Variants in MCM5 observed in about 807,000 individuals in gnomAD.
MCM5 encodes minichromosome maintenance complex component 5.
MCM5 carries 46 observed loss-of-function variants against 79.9 expected under a neutral mutation model. That is an observed-to-expected ratio of 0.58 (90% CI 0.45 to 0.74). The LOEUF (loss-of-function observed/expected upper bound fraction) is 0.74. MCM5 is among the 30% of genes least tolerant of loss of function. MCM5 has a pLI of 0.00. For missense variants in MCM5, 883 were observed against 1,017.0 expected (o/e 0.87, Z 1.79); for synonymous variants, 404 against 390.5 (o/e 1.03, Z -0.41).
the MCM5 span, among the ~76,000 whole-genome samples, chr22:35,431,953 A>G: frequency 5.9e-5 from 9 of 152,342 alleles, no homozygotes; most frequent in East Asian, 1.7e-3. Context: ...CTGTCGGGTC[A>G]GTGCCTTTCC....
At chr22:35,408,969 C>CT (rs11288184) in intron 6 of MCM5, among the ~76,000 whole-genome samples, 26 of 149,734 alleles carry the variant, frequency 1.7e-4, no homozygotes, top group South Asian at 4.2e-4. Flanking sequence ...CCCAGGCTTT[C>CT]TTTTTTTTTT....
At chr22:35,417,166 T>C (rs1043351246) in intron 12 of MCM5, among the ~76,000 whole-genome samples, 1 of 152,194 alleles carries the variant, frequency 6.6e-6, no homozygotes, top group Non-Finnish European at 1.5e-5. Flanking sequence ...GAAAAAAACA[T>C]AGTGGTTTAT....
At position 35,415,919 on chromosome 22, in the gene MCM5, G is replaced by A. The variant is rs760371424; in HGVS notation, c.1294G>A (p.Gly432Arg). Residue 432 changes from glycine (G) to arginine (R), a missense_variant, in exon 10 of 17, where the codon GGA becomes AGA. Physicochemically the swap from Gly to Arg is moderately radical, Grantham distance 125. Transcript: ENST00000216122. ...PSSRNFIMEG[G>R]AMVLADGGVV... ...GTCCCGGAATTTCATCATGGAGGGC[G>A]GAGCCATGGTCCTGGCCGATGGTGG... The A allele has an allele frequency of 3.7e-6, 6 of 1,614,200 alleles. No homozygotes were observed. The highest frequency in any genetic ancestry group is 1.1e-5 in the South Asian group (1 of 91,084).
chr22:35,429,656 C>T (rs149267301), downstream of MCM5, among the ~76,000 whole-genome samples: 1,946 of 152,202 alleles, frequency 0.013, 26 homozygotes, highest in Non-Finnish European at 0.02. Context: ...CTGCCCCAGG[C>T]TCCCGAGTAG....
chr22:35,453,811 T>TAGAGAG, the MCM5 span, among the ~76,000 whole-genome samples: 1 of 96,992 alleles, frequency 1.0e-5, no homozygotes, highest in Non-Finnish European at 2.0e-5. Flanking sequence ...TATATATATA[T>TAGAGAG]ATATATATAG....
chr22:35,424,030 A>C, intron 16 of MCM5, 124 bp from the exon 17 acceptor site: 1 of 619,524 alleles, frequency 1.6e-6, no homozygotes, highest in Non-Finnish European at 2.9e-6. Flanking sequence ...GGCACTCAGG[A>C]AGTGTGGGCC....
At chr22:35,445,546 G>T in the MCM5 span, among the ~76,000 whole-genome samples, 1 of 148,582 alleles carries the variant, frequency 6.7e-6, no homozygotes, top group East Asian at 2.0e-4. Context: ...GTTTCACTCT[G>T]TTGCTCAGGC....
the MCM5 span, among the ~76,000 whole-genome samples, chr22:35,439,289 A>T: frequency 6.6e-6 from 1 of 151,778 alleles, no homozygotes; most frequent in African/African-American, 2.4e-5. Context: ...CCATCCATCT[A>T]CCTGCATATT....
At position 35,409,237 on chromosome 22, in the gene MCM5, A is replaced by G. The variant is rs558938348; in HGVS notation, c.752+674A>G. On this transcript the variant is annotated intron_variant, in intron 6 of 16. Transcript: ENST00000216122. ...CTTGGCCTCCCAGAGTGCGTGGATT[A>G]CAGGCGTGAGCTACTGCGCCCAGCG... 4.6e-5 allele frequency among the ~76,000 whole-genome samples: 7 copies of G among 152,120 alleles called. 1 individual carries two copies. The East Asian group carries it at 1.4e-3, about 30-fold the overall frequency.
In MCM5 at chr22:35,415,885, G is replaced by A; in HGVS notation, c.1260G>A (p.Arg420=). 2 of 1,614,106 alleles carry A rather than the reference G, an allele frequency of 1.2e-6. No homozygotes were observed. The highest frequency in any genetic ancestry group is 1.7e-6 in the Non-Finnish European group (2 of 1,180,030). The change falls in exon 10 of 17, where the codon AGG becomes AGA. Residue 420 remains arginine (R), a synonymous_variant. Coordinates refer to ENST00000216122, the MANE Select transcript of MCM5 (RefSeq NM_006739.4). ...CTGGACTGACAGCCTCGGTGATGAG[G>A]GACCCTTCGTCCCGGAATTTCATCA... ...SAAGLTASVM[R]DPSSRNFIME...
At chr22:35,444,732 G>A in the MCM5 span, among the ~76,000 whole-genome samples, 3 of 152,240 alleles carry the variant, frequency 2.0e-5, no homozygotes, top group Non-Finnish European at 4.4e-5. Context: ...ATGAGGCAGA[G>A]GCCAGGCACA....
At chr22:35,411,871 A>G (rs1483951894) in intron 7 of MCM5, among the ~76,000 whole-genome samples, 3 of 152,196 alleles carry the variant, frequency 2.0e-5, no homozygotes, top group Non-Finnish European at 4.4e-5. Context: ...CTCGAACTTT[A>G]CATGGCTGAA....
chr22:35,435,994 C>G, the MCM5 span, among the ~76,000 whole-genome samples: 2 of 151,742 alleles, frequency 1.3e-5, no homozygotes, highest in African/African-American at 2.4e-5. Flanking sequence ...TGGAGAAACC[C>G]CATCTCTACT....
chr22:35,421,211 C>T, intron 14 of MCM5, 107 bp from the exon 15 acceptor site: 2 of 1,166,772 alleles, frequency 1.7e-6, no homozygotes, highest in Non-Finnish European at 2.4e-6. Flanking sequence ...TAGCAGTCTC[C>T]ACCACAGTCT....
chr22:35,447,501 C>T, the MCM5 span, among the ~76,000 whole-genome samples: 6 of 151,776 alleles, frequency 4.0e-5, no homozygotes, highest in South Asian at 8.3e-4. Flanking sequence ...GAGACAGAGT[C>T]GTATTCTGTT....
chr22:35,410,574 G>A, intron 6 of MCM5, 170 bp from the exon 7 acceptor site: 8 of 664,356 alleles, frequency 1.2e-5, no homozygotes, highest in Non-Finnish European at 1.7e-5. Flanking sequence ...GTGACGTGGG[G>A]AGAGAGGCCG....
chr22:35,410,863 G>A lies in MCM5; in HGVS notation c.872G>A (p.Ser291Asn). Residue 291 changes from serine (S) to asparagine (N), a missense_variant, in exon 7 of 17, where the codon AGC becomes AAC. Physicochemically the swap from Ser to Asn is conservative, Grantham distance 46. Around this residue, in one of 3 missense-constraint regions of MCM5, gnomAD observed 455 missense variants for 517.5 expected, o/e 0.88. Coordinates refer to ENST00000216122, the MANE Select transcript of MCM5 (RefSeq NM_006739.4). ...GRDRVGVGIR[S>N]SYIRVLGIQV... ...GACAGGGTGGGCGTGGGCATCCGAA[G>A]CTCCTACATCCGTGTCCTGGGCATC... The A allele has an allele frequency of 1.2e-6, 2 of 1,613,356 alleles. No homozygotes were observed. The highest frequency in any genetic ancestry group is 1.7e-6 in the Non-Finnish European group (2 of 1,179,412).
chr22:35,421,923 C>T (rs986942173), intron 15 of MCM5: 8 of 276,332 alleles, frequency 2.9e-5, no homozygotes, highest in Non-Finnish European at 2.8e-5. Flanking sequence ...AGTCGCTTGG[C>T]TGGAATGCAA....
At chr22:35,430,454 C>T in the MCM5 span, among the ~76,000 whole-genome samples, 1 of 151,398 alleles carries the variant, frequency 6.6e-6, no homozygotes, top group African/African-American at 2.4e-5. Context: ...CTTCTGAACA[C>T]TTAATGCTGT....
Sources: allele counts gnomAD v4.1 joint callset (sites outside exome capture counted in the v4.1 genomes callset), GRCh38; gene constraint gnomAD v4.1.1; regional missense constraint gnomAD v4.1.1; transcripts MANE v1.5; gene names NCBI Gene and HGNC (gene_info 2026-07-23, HGNC 2026-07-21).